Variants in RNFT2 observed in about 807,000 individuals in gnomAD.
The protein encoded by RNFT2 is E3 ubiquitin-protein ligase RNFT2.
In RNFT2, 36 loss-of-function variants were observed where a neutral mutation model predicts 53.0. The observed-to-expected ratio is 0.68, with a 90% CI of 0.52 to 0.90. The LOEUF is 0.90. RNFT2 is among the 40% of genes least tolerant of loss of function. The pLI, the probability that RNFT2 is intolerant of heterozygous loss-of-function variation, is 0.00. For synonymous variants in RNFT2, 260 were observed against 253.2 expected (o/e 1.03, Z -0.26); for missense variants, 514 against 585.6 (o/e 0.88, Z 1.26).
chr12:116,778,640 A>T (rs1377895208), intron 6 of RNFT2, among the ~76,000 whole-genome samples: 1 of 152,246 alleles, frequency 6.6e-6, no homozygotes. Flanking sequence ...ACTTGAGGTC[A>T]GGAGTTTGAG....
At chr12:116,774,206 C>G (rs1873321818) in intron 6 of RNFT2, among the ~76,000 whole-genome samples, 1 of 152,210 alleles carries the variant, frequency 6.6e-6, no homozygotes, top group African/African-American at 2.4e-5. Flanking sequence ...GAAAAGAGGT[C>G]TGTGGTTGGA....
intron 5 of RNFT2, among the ~76,000 whole-genome samples, chr12:116,765,078 A>G (rs1054318386): frequency 4.6e-5 from 7 of 152,290 alleles, no homozygotes; most frequent in Admixed American, 3.3e-4. Context: ...GTATGTGCGT[A>G]TCTTCCATAA....
At chr12:116,762,902 A>G (rs1872743919) in intron 5 of RNFT2, among the ~76,000 whole-genome samples, 2 of 152,106 alleles carry the variant, frequency 1.3e-5, no homozygotes, top group South Asian at 4.1e-4. Flanking sequence ...GTGAGCCACC[A>G]TACCTGGCTT....
At chr12:116,771,830 C>G (rs1425354074) in intron 6 of RNFT2, among the ~76,000 whole-genome samples, 1 of 152,102 alleles carries the variant, frequency 6.6e-6, no homozygotes, top group Admixed American at 6.6e-5. Context: ...TTAAAATATC[C>G]CTGTCACCCT....
intron 5 of RNFT2, among the ~76,000 whole-genome samples, chr12:116,763,798 G>T (rs1316013896): frequency 6.7e-6 from 1 of 149,008 alleles, no homozygotes; most frequent in Non-Finnish European, 1.5e-5. Context: ...AGGGGGCGGG[G>T]GGGGAAAGAA....
chr12:116,827,242 AG>A (rs1028866212), intron 7 of RNFT2, among the ~76,000 whole-genome samples: 7 of 151,826 alleles, frequency 4.6e-5, no homozygotes, highest in Admixed American at 1.3e-4. Flanking sequence ...AAAGAAAGAA[AG>A]AAAGAAAGGA....
intron 3 of RNFT2, among the ~76,000 whole-genome samples, chr12:116,743,213 T>TAAAAAAAAAAAA (rs762013507): frequency 0.045 from 478 of 10,576 alleles, 113 homozygotes; most frequent in Middle Eastern, 0.19. Flanking sequence ...AGGTAGAATC[T>TAAAAAAAAAAAA]AAAAAAAAAA....
At chr12:116,825,995 T>A (rs1222912778) in intron 7 of RNFT2, among the ~76,000 whole-genome samples, 1 of 151,712 alleles carries the variant, frequency 6.6e-6, no homozygotes, top group Non-Finnish European at 1.5e-5. Flanking sequence ...AAAAAAAAGG[T>A]TTCATCTCTG....
chr12:116,838,655 T>A (rs1037245745), intron 10 of RNFT2, among the ~76,000 whole-genome samples: 2 of 152,232 alleles, frequency 1.3e-5, no homozygotes, highest in African/African-American at 4.8e-5. Flanking sequence ...TGGTTGAGCA[T>A]CTTTTCATAT....
At chr12:116,813,688 C>T (rs1369833323) in intron 7 of RNFT2, among the ~76,000 whole-genome samples, 4 of 152,204 alleles carry the variant, frequency 2.6e-5, no homozygotes, top group Non-Finnish European at 5.9e-5. Context: ...TGGTACATAG[C>T]AGGTACTCAA....
chr12:116,795,472 C>T (rs527857886), intron 7 of RNFT2, among the ~76,000 whole-genome samples: 6 of 151,774 alleles, frequency 4.0e-5, no homozygotes, highest in East Asian at 1.9e-4. Context: ...CCGGGAACTG[C>T]GCTGTCTAAT....
At chr12:116,756,248 T>C (rs1433447302) in intron 5 of RNFT2, among the ~76,000 whole-genome samples, 6 of 152,196 alleles carry the variant, frequency 3.9e-5, no homozygotes, top group Non-Finnish European at 1.5e-5. Context: ...CTTTCAGCAA[T>C]GTTTTGTAGT....
chr12:116,748,144 G>A (rs1872001189), intron 3 of RNFT2, among the ~76,000 whole-genome samples: 1 of 151,842 alleles, frequency 6.6e-6, no homozygotes, highest in Non-Finnish European at 1.5e-5. Context: ...GAGCTGAGAT[G>A]GCACCACTGC....
At position 116,853,269 on chromosome 12, in the gene RNFT2, C is replaced by A; in HGVS notation, c.*3821C>A. 2.5e-6 allele frequency: 1 copy of A among 398,548 alleles called. No individual in the cohort carries two copies. The highest frequency in any genetic ancestry group is 4.4e-6 in the Non-Finnish European group (1 of 226,144). The allele number at this position is 398,548 out of a possible 1,614,324, so 24.7% of individuals were successfully genotyped here. ...CTCATTTGTTGTAAGTAGGGTTAAT[C>A]GAGTATCAGGTTCACAGTATCCTGC... On this transcript the variant is annotated 3_prime_UTR_variant, in exon 11 of 11. Transcript: ENST00000257575.
intron 7 of RNFT2, among the ~76,000 whole-genome samples, chr12:116,794,115 C>T (rs771236661): frequency 2.6e-5 from 4 of 151,746 alleles, no homozygotes; most frequent in African/African-American, 4.8e-5. Flanking sequence ...AAACTAAAAA[C>T]GTATCCAAGC....
At chr12:116,747,913 G>A (rs760798541) in intron 3 of RNFT2, among the ~76,000 whole-genome samples, 5 of 151,974 alleles carry the variant, frequency 3.3e-5, no homozygotes, top group East Asian at 1.9e-4. Flanking sequence ...ACCCTCGGCC[G>A]GGCACGGTGG....
intron 7 of RNFT2, among the ~76,000 whole-genome samples, chr12:116,796,046 T>C (rs750156381): frequency 8.5e-5 from 13 of 152,088 alleles, no homozygotes; most frequent in Non-Finnish European, 1.6e-4. Context: ...GTAGCTGATA[T>C]TACAGGCGCC....
At chr12:116,845,767 G>A (rs933019385) in intron 10 of RNFT2, among the ~76,000 whole-genome samples, 1 of 152,022 alleles carries the variant, frequency 6.6e-6, no homozygotes, top group African/African-American at 2.4e-5. Context: ...TATGGTCTTC[G>A]CGGCTCTGTG....
At position 116,750,836 on chromosome 12, in the gene RNFT2, ATATTATATATATAT is replaced by A. The variant is rs1872176432; in HGVS notation, c.550+530_550+543del. Among the ~76,000 whole-genome samples, 4 of 17,830 alleles carry A rather than the reference ATATTATATATATAT, an allele frequency of 2.2e-4. No individual in the cohort carries two copies. The South Asian group carries it at 8.8e-3, about 39-fold the overall frequency. The allele number at this position is 17,830 out of a possible 152,430, so 11.7% of individuals were successfully genotyped here. A position where few individuals can be genotyped will look rare whatever the true frequency, so the allele number is the denominator to read the frequency against. On this transcript the variant is annotated intron_variant, in intron 4 of 10. Coordinates refer to ENST00000257575, the MANE Select transcript of RNFT2 (RefSeq NM_001382266.1). Reference sequence around the variant, plus strand: ...TATATATATTATATATATAATATATATATTATATATATATAATATATATTATATATATATAATAT... The same window carrying A: ...TATATATATTATATATATAATATATAAATATATATTATATATATATAATAT...
Sources: gnomAD v4.1 joint callset for allele counts (sites outside exome capture counted in the v4.1 genomes callset) on GRCh38, gnomAD v4.1.1 for gene constraint, MANE v1.5 for transcripts, NCBI Gene and HGNC (gene_info 2026-07-23, HGNC 2026-07-21) for gene names.